The following GPHN variants were observed in gnomAD, a reference collection of about 807,000 sequenced individuals.
The protein encoded by GPHN is gephyrin.
Under a neutral mutation model 95.5 loss-of-function variants are expected in GPHN, and 17 were observed. The observed-to-expected ratio is 0.18, with a 90% CI of 0.12 to 0.27. The LOEUF (loss-of-function observed/expected upper bound fraction) is 0.27. Among genes scored for constraint, GPHN ranks in the 10% least tolerant of loss-of-function variants. The pLI, the probability that GPHN is intolerant of heterozygous loss-of-function variation, is 1.00. For synonymous variants in GPHN, 320 were observed against 322.5 expected (o/e 0.99, Z 0.08); for missense variants, 660 against 978.1 (o/e 0.67, Z 4.34).
intron 2 of GPHN, among the ~76,000 whole-genome samples, chr14:66,738,163 T>C (rs985124204): frequency 1.1e-4 from 16 of 152,216 alleles, no homozygotes; most frequent in Admixed American, 6.5e-4. Flanking sequence ...AGGAAACCAA[T>C]TGTTAGGCTT....
chr14:67,540,939 CT>C, the GPHN span, among the ~76,000 whole-genome samples: 4 of 152,168 alleles, frequency 2.6e-5, no homozygotes, highest in Non-Finnish European at 4.4e-5. Context: ...GTGAATTCCC[CT>C]GGCTGGACAT....
intron 2 of GPHN, among the ~76,000 whole-genome samples, chr14:66,774,294 G>A (rs936249092): frequency 6.6e-6 from 1 of 152,008 alleles, no homozygotes; most frequent in Non-Finnish European, 1.5e-5. Context: ...GAGCCACCGC[G>A]CCCGGCCATA....
At chr14:67,263,709 A>T in the GPHN span, among the ~76,000 whole-genome samples, 1 of 152,192 alleles carries the variant, frequency 6.6e-6, no homozygotes, top group East Asian at 1.9e-4. Flanking sequence ...CTCATTTGTA[A>T]ACTGATGATA....
chr14:67,174,243 C>G (rs1595492532), intron 21 of GPHN, among the ~76,000 whole-genome samples: 1 of 150,052 alleles, frequency 6.7e-6, no homozygotes. Flanking sequence ...CCACAACCCC[C>G]CGACAGGCCC....
chr14:67,297,102 G>A, the GPHN span, among the ~76,000 whole-genome samples: 1 of 152,044 alleles, frequency 6.6e-6, no homozygotes, highest in African/African-American at 2.4e-5. Context: ...GCACTTTGGG[G>A]GAAAAAAAGA....
the GPHN span, among the ~76,000 whole-genome samples, chr14:67,393,744 G>A: frequency 1.3e-5 from 2 of 152,198 alleles, no homozygotes; most frequent in African/African-American, 2.4e-5. Context: ...GTGAGCCACC[G>A]TGCCTGGCCT....
intron 10 of GPHN, among the ~76,000 whole-genome samples, chr14:67,053,253 T>C (rs1394006496): frequency 1.6e-5 from 2 of 126,708 alleles, no homozygotes; most frequent in Non-Finnish European, 3.2e-5. Context: ...AAGAATCAAA[T>C]AGACACAATA....
chr14:67,359,876 G>T, the GPHN span: 1 of 678,054 alleles, frequency 1.5e-6, no homozygotes, highest in Non-Finnish European at 2.5e-6. Flanking sequence ...GGTTGTCACA[G>T]GCGACGAAGG....
the GPHN span, chr14:67,200,151 C>T: frequency 8.7e-7 from 1 of 1,151,562 alleles, no homozygotes; most frequent in Non-Finnish European, 1.2e-6. Flanking sequence ...CCATGGGTCA[C>T]CCAGGTCCTA....
At chr14:66,780,565 C>G (rs778932654) in intron 3 of GPHN, among the ~76,000 whole-genome samples, 2 of 149,138 alleles carry the variant, frequency 1.3e-5, no homozygotes, top group African/African-American at 5.0e-5. Flanking sequence ...TTTAGAGTTA[C>G]AAGAGTTATC....
chr14:67,730,713 C>T, the GPHN span, among the ~76,000 whole-genome samples: 2 of 152,238 alleles, frequency 1.3e-5, no homozygotes, highest in South Asian at 4.1e-4. Flanking sequence ...AAGCGATTCT[C>T]CTGACTCAGC....
the GPHN span, among the ~76,000 whole-genome samples, chr14:67,318,247 AC>A: frequency 6.6e-6 from 1 of 152,234 alleles, no homozygotes; most frequent in African/African-American, 2.4e-5. Flanking sequence ...CACACATTAA[AC>A]TAATAAAGAT....
intron 2 of GPHN, 144 bp from the exon 3 acceptor site, chr14:66,776,320 G>T (rs916536245): frequency 1.9e-4 from 133 of 685,444 alleles, no homozygotes; most frequent in Middle Eastern, 2.4e-4. Context: ...GAAAATATAT[G>T]CACAAAATGG....
At chr14:67,275,228 C>T in the GPHN span, among the ~76,000 whole-genome samples, 57 of 152,124 alleles carry the variant, frequency 3.7e-4, no homozygotes, top group African/African-American at 1.3e-3. Context: ...CCAGTTTTTG[C>T]CCATTCAGTA....
intron 9 of GPHN, among the ~76,000 whole-genome samples, chr14:66,972,400 A>G (rs1057134352): frequency 6.6e-6 from 1 of 152,008 alleles, no homozygotes; most frequent in Non-Finnish European, 1.5e-5. Flanking sequence ...CCAAACATCT[A>G]AGTCTGAATA....
chr14:67,673,432 T>G, the GPHN span, among the ~76,000 whole-genome samples: 322 of 152,346 alleles, frequency 2.1e-3, 2 homozygotes, highest in African/African-American at 7.4e-3. Flanking sequence ...TCTTTAACAC[T>G]GCCTCTTAAT....
the GPHN span, among the ~76,000 whole-genome samples, chr14:67,287,406 A>G: frequency 1.3e-5 from 2 of 152,142 alleles, no homozygotes; most frequent in Non-Finnish European, 2.9e-5. Context: ...GACTACAGGG[A>G]TATCAGTTAA....
At chr14:67,004,095 A>C (rs1199836959) in intron 9 of GPHN, among the ~76,000 whole-genome samples, 1 of 151,774 alleles carries the variant, frequency 6.6e-6, no homozygotes, top group Non-Finnish European at 1.5e-5. Flanking sequence ...TGACAAAGCT[A>C]ATTCATCATG....
chr14:67,041,304 G>C (rs2074688841), intron 10 of GPHN, among the ~76,000 whole-genome samples: 1 of 151,904 alleles, frequency 6.6e-6, no homozygotes, highest in East Asian at 1.9e-4. Flanking sequence ...TGCCATGGTG[G>C]TTTGCTGCAC....
Sources: gnomAD v4.1 joint callset for allele counts (sites outside exome capture counted in the v4.1 genomes callset) on GRCh38, gnomAD v4.1.1 for gene constraint, MANE v1.5 for transcripts, NCBI Gene and HGNC (gene_info 2026-07-23, HGNC 2026-07-21) for gene names.